TTL: variants seen among roughly 807,000 people sequenced by gnomAD.
The protein encoded by TTL is tubulin--tyrosine ligase.
A neutral mutation model predicts 41.1 loss-of-function variants in TTL; 10 were observed. That is an observed-to-expected ratio of 0.24 (90% CI 0.15 to 0.41). The LOEUF (loss-of-function observed/expected upper bound fraction) is 0.41. Among genes scored for constraint, TTL ranks in the 10% least tolerant of loss-of-function variants. TTL has a pLI of 1.00. For synonymous variants in TTL, 175 were observed against 175.5 expected (o/e 1.00, Z 0.02); for missense variants, 367 against 460.4 (o/e 0.80, Z 1.86).
At chr2:112,515,631 C>T (rs1209908248) in intron 5 of TTL, among the ~76,000 whole-genome samples, 1 of 152,138 alleles carries the variant, frequency 6.6e-6, no homozygotes, top group African/African-American at 2.4e-5. Context: ...CCAGAAGACT[C>T]CTTTGAACTC....
Position 112,528,908 on chromosome 2 carries a change from G to C in TTL, c.*113G>C. The C allele has an allele frequency of 1.2e-6, 1 of 864,946 alleles. No homozygotes were observed. The highest frequency in any genetic ancestry group is 1.9e-6 in the Non-Finnish European group (1 of 528,958). 53.6% of individuals were successfully genotyped at this position (864,946 alleles called of 1,614,324 possible). On this transcript the variant is annotated 3_prime_UTR_variant, in exon 7 of 7. Coordinates refer to ENST00000233336, the MANE Select transcript of TTL (RefSeq NM_153712.5). ...ACAGCAGGGGAAAGAAAGGCAACTCGCAAAGATGAGATGGAAGAAGGCACG... is the reference window on the plus strand; with the variant it reads ...ACAGCAGGGGAAAGAAAGGCAACTCCCAAAGATGAGATGGAAGAAGGCACG...
At chr2:112,489,819 A>G (rs1304129067) in intron 2 of TTL, among the ~76,000 whole-genome samples, 1 of 152,218 alleles carries the variant, frequency 6.6e-6, no homozygotes, top group Non-Finnish European at 1.5e-5. Context: ...TATATGCAGT[A>G]TGAAGATAGA....
At chr2:112,528,618 T>A (rs181785370) in intron 6 of TTL, 63 bp from the exon 7 acceptor site, 18 of 1,406,852 alleles carry the variant, frequency 1.3e-5, no homozygotes, top group Non-Finnish European at 1.7e-5. Context: ...ACAAAAAACA[T>A]CTATTTTTTT....
chr2:112,513,469 A>C (rs1385031066), intron 5 of TTL, among the ~76,000 whole-genome samples: 1 of 151,784 alleles, frequency 6.6e-6, no homozygotes, highest in Non-Finnish European at 1.5e-5. Flanking sequence ...TTTTTAGAAC[A>C]GTTTTGCTGC....
At chr2:112,516,253 CTT>C (rs950154645) in intron 5 of TTL, among the ~76,000 whole-genome samples, 1 of 152,116 alleles carries the variant, frequency 6.6e-6, no homozygotes, top group African/African-American at 2.4e-5. Flanking sequence ...GGTTTTATCT[CTT>C]ATATTTTAGA....
rs79445863 is a variant in TTL, at chr2:112,530,494, G to A, written c.*1699G>A. 1,425 of 228,318 alleles carry A rather than the reference G, an allele frequency of 6.2e-3. 22 individuals are homozygous for A. Among genetic ancestry groups the A allele is most frequent in the African/African-American group, 0.029 (1,317 of 45,188 alleles). 14.1% of individuals were successfully genotyped at this position (228,318 alleles called of 1,614,324 possible). A position where few individuals can be genotyped will look rare whatever the true frequency, so the allele number is the denominator to read the frequency against. On this transcript the variant is annotated 3_prime_UTR_variant, in exon 7 of 7. Coordinates refer to ENST00000233336, the MANE Select transcript of TTL (RefSeq NM_153712.5). The stretch of plus-strand genomic sequence containing the variant: ...TTAATCCTTGAGGCCCAACGCAGCC[G>A]ATGGGTTGGTGTTTGGGAAATTCTG...
chr2:112,494,447 C>T, intron 3 of TTL, 72 bp downstream of exon 3: 1 of 1,165,202 alleles, frequency 8.6e-7, no homozygotes, highest in South Asian at 1.5e-5. Context: ...ATGAATGACC[C>T]TATTTTAATC....
rs201037425 is a variant in TTL at position 112,502,282 on chromosome 2, T to G, written c.606-630T>G. 2.6e-5 allele frequency among the ~76,000 whole-genome samples: 4 copies of G among 152,196 alleles called. No individual in the cohort carries two copies. In the East Asian group the frequency reaches 7.7e-4, roughly 29 times the overall value. On this transcript the variant is annotated intron_variant, in intron 4 of 6. Transcript: ENST00000233336. ...CAGATCATCTTCAGGAGGAACACTC[T>G]TTAAGATTACTCAAAGAGGAGACAT... is the stretch of plus-strand genomic sequence containing the variant.
intron 3 of TTL, among the ~76,000 whole-genome samples, chr2:112,499,623 A>G (rs1681637710): frequency 6.6e-6 from 1 of 152,230 alleles, no homozygotes; most frequent in South Asian, 2.1e-4. Context: ...AAATTGATAA[A>G]TTGAACCTCA....
At chr2:112,525,062 T>G (rs1682336692) in intron 6 of TTL, among the ~76,000 whole-genome samples, 2 of 152,184 alleles carry the variant, frequency 1.3e-5, no homozygotes, top group Admixed American at 1.3e-4. Flanking sequence ...TTTCCTCATT[T>G]CTTGTTTTTA....
At chr2:112,525,409 C>G (rs889574903) in intron 6 of TTL, among the ~76,000 whole-genome samples, 6 of 152,178 alleles carry the variant, frequency 3.9e-5, no homozygotes, top group Admixed American at 2.6e-4. Context: ...AACATTGATT[C>G]TTCCTATCCA....
In TTL at chr2:112,494,315, A is replaced by G. The variant is rs555903712; in HGVS notation, c.409A>G (p.Arg137Gly). The G allele has an allele frequency of 6.2e-7, 1 of 1,614,200 alleles. No individual in the cohort carries two copies. The highest frequency in any genetic ancestry group is 8.5e-7 in the Non-Finnish European group (1 of 1,180,040). The change falls in exon 3 of 7, where the codon AGA becomes GGA. Residue 137 changes from arginine to glycine, a missense_variant. Transcript: ENST00000233336. ...EREFFLASYN[R>G]KKEDGEGNVW... ...AGAATTCTTTCTCGCCTCTTATAAC[A>G]GAAAGAAAGAGGATGGAGAGGGCAA...
chr2:112,532,599 G>A lies in TTL; in HGVS notation c.*3804G>A, dbSNP rs1682532558. The A allele has an allele frequency of 5.2e-6, 1 of 191,548 alleles. No individual in the cohort carries two copies. The highest frequency in any genetic ancestry group is 1.1e-5 in the Non-Finnish European group (1 of 91,478). 11.9% of individuals were successfully genotyped at this position (191,548 alleles called of 1,614,324 possible). On this transcript the variant is annotated 3_prime_UTR_variant, in exon 7 of 7. Coordinates refer to ENST00000233336, the MANE Select transcript of TTL (RefSeq NM_153712.5). Reference sequence around the variant, plus strand: ...CCACTGTACTCTAGCTTGAGCAACAGAGCAAGACCCTGTCTCAAAAGTAAA... The same window carrying A: ...CCACTGTACTCTAGCTTGAGCAACAAAGCAAGACCCTGTCTCAAAAGTAAA...
At position 112,531,607 on chromosome 2, in the gene TTL, C is replaced by T. The variant is rs1682510757; in HGVS notation, c.*2812C>T. 4.4e-6 allele frequency: 1 copy of T among 228,048 alleles called. No individual in the cohort carries two copies. Among genetic ancestry groups the T allele is most frequent in the Non-Finnish European group, 8.7e-6 (1 of 114,874 alleles). 14.1% of individuals were successfully genotyped at this position (228,048 alleles called of 1,614,324 possible). Reference sequence around the variant, plus strand: ...ATCAGAACCTCAGACAGCAATATGCCTTGAGATGCCTTGAACCATGCTTGA... The same window carrying T: ...ATCAGAACCTCAGACAGCAATATGCTTTGAGATGCCTTGAACCATGCTTGA... On this transcript the variant is annotated 3_prime_UTR_variant, in exon 7 of 7. Coordinates refer to ENST00000233336, the MANE Select transcript of TTL (RefSeq NM_153712.5).
chr2:112,520,674 G>A, intron 6 of TTL: 1 of 446,812 alleles, frequency 2.2e-6, no homozygotes, highest in Non-Finnish European at 4.0e-6. Context: ...GGGAGGCCAA[G>A]ACAGGTAGAC....
rs1682652681 is a variant in TTL at position 112,538,911 on chromosome 2, A to T, written c.*10116A>T. 2 of 152,190 alleles carry T rather than the reference A, an allele frequency of 1.3e-5. No homozygotes were observed. The highest frequency in any genetic ancestry group is 4.1e-4 in the South Asian group (2 of 4,824). 9.4% of individuals were successfully genotyped at this position (152,190 alleles called of 1,614,324 possible). A position where few individuals can be genotyped will look rare whatever the true frequency, so the allele number is the denominator to read the frequency against. On this transcript the variant is annotated 3_prime_UTR_variant, in exon 7 of 7. Coordinates refer to ENST00000233336, the MANE Select transcript of TTL (RefSeq NM_153712.5). ...GGCGGGCGGATCATGAGGTCCGGAG[A>T]TCAAGACCATCCTGGCTAATATGGT...
chr2:112,487,014 C>T (rs1408796211), intron 2 of TTL, among the ~76,000 whole-genome samples: 1 of 152,094 alleles, frequency 6.6e-6, no homozygotes, highest in Non-Finnish European at 1.5e-5. Flanking sequence ...GTTGTCATTG[C>T]TATTACTGTT....
At chr2:112,498,159 A>T (rs1339978778) in intron 3 of TTL, among the ~76,000 whole-genome samples, 2 of 152,046 alleles carry the variant, frequency 1.3e-5, no homozygotes, top group Non-Finnish European at 2.9e-5. Flanking sequence ...CCCTGTCTCT[A>T]TAAAAATACA....
rs1681136116 is a variant in TTL, at chr2:112,482,984, G to A, written c.157+483G>A. ...AGGTGTTGAAACCCCTGAGGCTTCT[G>A]CCCCCCGAAGGCGCGGAGGAGCGAT... On this transcript the variant is annotated intron_variant, in intron 1 of 6. Coordinates refer to ENST00000233336, the MANE Select transcript of TTL (RefSeq NM_153712.5). This position sits in a 1 kb window ranked among gnomAD's most constrained non-coding sequence, Gnocchi z 5.3. Among the ~76,000 whole-genome samples the A allele has an allele frequency of 6.6e-6, 1 of 152,226 alleles. No homozygotes were observed. Among genetic ancestry groups the A allele is most frequent in the African/African-American group, 2.4e-5 (1 of 41,452 alleles).
Sources: gnomAD v4.1 joint callset for allele counts (sites outside exome capture counted in the v4.1 genomes callset) on GRCh38, gnomAD v4.1.1 for gene constraint, Gnocchi (gnomAD v3.1) non-coding constraint, MANE v1.5 for transcripts, NCBI Gene and HGNC (gene_info 2026-07-23, HGNC 2026-07-21) for gene names.